The following RBFOX3 variants were observed in gnomAD, a reference collection of about 807,000 sequenced individuals.
The protein encoded by RBFOX3 is RNA binding protein fox-1 homolog 3.
A neutral mutation model predicts 48.7 loss-of-function variants in RBFOX3; 17 were observed. The ratio of observed to expected loss-of-function variants is 0.35; its 90% CI spans 0.24 to 0.52. RBFOX3 has a LOEUF of 0.52. Among genes scored for constraint, RBFOX3 ranks in the 20% least tolerant of loss-of-function variants. RBFOX3 has a pLI of 0.94. For synonymous variants in RBFOX3, 212 were observed against 209.5 expected, an observed-to-expected ratio of 1.01 and a Z score of -0.10; for missense variants, 382 against 497.5, an observed-to-expected ratio of 0.77 and a Z score of 2.21.
chr17:79,620,533 A>G, the RBFOX3 span, among the ~76,000 whole-genome samples: 1,352 of 149,938 alleles, frequency 9.0e-3, 48 homozygotes, highest in East Asian at 0.15. Context: ...GCATACGCGC[A>G]CATGCACACA....
intron 3 of RBFOX3, among the ~76,000 whole-genome samples, chr17:79,236,199 A>G (rs1295701384): frequency 1.3e-5 from 2 of 152,132 alleles, no homozygotes; most frequent in Non-Finnish European, 2.9e-5. Flanking sequence ...TTAGTTTCAC[A>G]CTGGGTTTCC....
In RBFOX3 at chr17:79,391,716, A is replaced by T. The variant is rs1057422193; in HGVS notation, c.-174-83892T>A. Among the ~76,000 whole-genome samples the T allele has an allele frequency of 5.3e-5, 8 of 152,178 alleles. No homozygotes were observed. The highest frequency in any genetic ancestry group is 1.4e-4 in the African/African-American group (6 of 41,448). Reference sequence around the variant, plus strand: ...TATGTGCGTGTGAGCGTGTGTGGGCACAGGAAAGTCTGTGTGCACGTGTGA... The same window carrying T: ...TATGTGCGTGTGAGCGTGTGTGGGCTCAGGAAAGTCTGTGTGCACGTGTGA... On this transcript the variant is annotated intron_variant, in intron 2 of 14. Transcript: ENST00000693108. This position sits in a 1 kb window ranked among gnomAD's most constrained non-coding sequence, Gnocchi z 5.0.
At chr17:79,373,244 A>G (rs2058792550) in intron 2 of RBFOX3, among the ~76,000 whole-genome samples, 1 of 151,960 alleles carries the variant, frequency 6.6e-6, no homozygotes, top group South Asian at 2.1e-4. Flanking sequence ...CCCCACCCCT[A>G]CGGCCCCCAC....
intron 1 of RBFOX3, among the ~76,000 whole-genome samples, chr17:79,483,584 G>A (rs954538873): frequency 1.9e-4 from 27 of 145,862 alleles, no homozygotes; most frequent in African/African-American, 2.8e-4. Context: ...TTTTCCCCAC[G>A]AATTTCCCCC....
At chr17:79,376,861 C>G (rs1249214418) in intron 2 of RBFOX3, among the ~76,000 whole-genome samples, 1 of 152,120 alleles carries the variant, frequency 6.6e-6, no homozygotes, top group Non-Finnish European at 1.5e-5. Flanking sequence ...GTTCCATTTT[C>G]ACCTCCCTGG....
chr17:79,147,442 C>T lies in RBFOX3; in HGVS notation c.-33-31694G>A, dbSNP rs115604133. Among the ~76,000 whole-genome samples, 503 of 152,322 alleles carry T rather than the reference C, an allele frequency of 3.3e-3. 3 individuals carry two copies. The highest frequency in any genetic ancestry group is 0.011 in the African/African-American group (473 of 41,578). On this transcript the variant is annotated intron_variant, in intron 4 of 14. Transcript: ENST00000693108. The stretch of plus-strand genomic sequence containing the variant: ...TAAAGGCAGTGAGGCCGCCAGCCTT[C>T]CCCCAACCCCTCCGGAGCCTGGCCC...
intron 1 of RBFOX3, among the ~76,000 whole-genome samples, chr17:79,516,338 C>T (rs1477568711): frequency 6.6e-6 from 1 of 152,254 alleles, no homozygotes; most frequent in Non-Finnish European, 1.5e-5. Context: ...ACACTCCCCT[C>T]CCTGGGCACC....
chr17:79,196,649 C>T (rs1310148662), intron 4 of RBFOX3, among the ~76,000 whole-genome samples: 1 of 152,116 alleles, frequency 6.6e-6, no homozygotes, highest in Non-Finnish European at 1.5e-5. Flanking sequence ...TCTCTTCACC[C>T]GGATGGACTG....
the RBFOX3 span, among the ~76,000 whole-genome samples, chr17:79,635,975 A>G: frequency 6.6e-6 from 1 of 152,226 alleles, no homozygotes; most frequent in African/African-American, 2.4e-5. Context: ...CTATAAATTG[A>G]TAAACCCACG....
the RBFOX3 span, among the ~76,000 whole-genome samples, chr17:79,663,698 C>T: frequency 6.6e-6 from 1 of 150,848 alleles, no homozygotes; most frequent in Admixed American, 6.6e-5. Flanking sequence ...GACCCTCAGC[C>T]AACAAGGAAA....
At chr17:79,516,528 C>G (rs1198238054) in intron 1 of RBFOX3, among the ~76,000 whole-genome samples, 2 of 152,248 alleles carry the variant, frequency 1.3e-5, no homozygotes, top group African/African-American at 4.8e-5. Flanking sequence ...TAGAAAGAGC[C>G]AGAGCTCTGT....
intron 4 of RBFOX3, among the ~76,000 whole-genome samples, chr17:79,227,041 C>T (rs373863797): frequency 3.3e-5 from 5 of 152,212 alleles, no homozygotes; most frequent in Non-Finnish European, 7.3e-5. Context: ...CCTCCAACCC[C>T]GCCTTGCTCC....
intron 3 of RBFOX3, among the ~76,000 whole-genome samples, chr17:79,246,973 C>T (rs924050711): frequency 2.0e-5 from 3 of 152,194 alleles, no homozygotes; most frequent in Non-Finnish European, 4.4e-5. Flanking sequence ...CTTAGATGAG[C>T]GCGTTTCATT....
chr17:79,238,743 A>G (rs2061948518), intron 3 of RBFOX3, among the ~76,000 whole-genome samples: 1 of 152,092 alleles, frequency 6.6e-6, no homozygotes, highest in Non-Finnish European at 1.5e-5. Flanking sequence ...GAGTGTCTTT[A>G]TTTAGTCAAG....
chr17:79,178,830 G>A (rs895195122), intron 4 of RBFOX3, among the ~76,000 whole-genome samples: 3 of 152,190 alleles, frequency 2.0e-5, no homozygotes, highest in African/African-American at 7.2e-5. Flanking sequence ...AACATCACCC[G>A]ACCTCAACTA....
chr17:79,656,729 GAAAGA>G, the RBFOX3 span, among the ~76,000 whole-genome samples: 3 of 105,970 alleles, frequency 2.8e-5, no homozygotes, highest in African/African-American at 1.0e-4. Context: ...GAGACAGAAA[GAAAGA>G]AAAGAAAGAA....
At position 79,492,579 on chromosome 17, in the gene RBFOX3, C is replaced by T. The variant is rs888070102; in HGVS notation, c.-319-9981G>A. ...TTGAGCCTTCCCATGCCTGCGGCCC[C>T]GGCCAACATATCAACGCAACCTCGA... On this transcript the variant is annotated intron_variant, in intron 1 of 14. Coordinates refer to ENST00000693108, the MANE Select transcript of RBFOX3 (RefSeq NM_001350451.2). Among the ~76,000 whole-genome samples the T allele has an allele frequency of 4.1e-4, 63 of 152,340 alleles. No individual in the cohort carries two copies. The East Asian group carries it at 9.5e-3, about 23-fold the overall frequency.
chr17:79,215,022 G>T (rs1338517292), intron 4 of RBFOX3, among the ~76,000 whole-genome samples: 1 of 152,088 alleles, frequency 6.6e-6, no homozygotes, highest in African/African-American at 2.4e-5. Context: ...AAGACCCAGC[G>T]GCTGCAGGGC....
the RBFOX3 span, among the ~76,000 whole-genome samples, chr17:79,616,986 C>T: frequency 6.6e-6 from 1 of 152,162 alleles, no homozygotes; most frequent in East Asian, 1.9e-4. Flanking sequence ...GTGTTCGGCC[C>T]TCACACACCC....
Sources: allele counts gnomAD v4.1 joint callset (sites outside exome capture counted in the v4.1 genomes callset), GRCh38; gene constraint gnomAD v4.1.1; non-coding constraint Gnocchi (gnomAD v3.1); transcripts MANE v1.5; gene names NCBI Gene and HGNC (gene_info 2026-07-23, HGNC 2026-07-21).